CSMD1: variants seen among roughly 807,000 people sequenced by gnomAD.
CSMD1 encodes the protein CUB and sushi domain-containing protein 1.
CSMD1 carries 213 observed loss-of-function variants against 417.5 expected under a neutral mutation model. The observed-to-expected ratio is 0.51, with a 90% confidence interval of 0.46 to 0.57. The LOEUF (loss-of-function observed/expected upper bound fraction) is 0.57. CSMD1 is among the 20% of genes least tolerant of loss of function. The probability of loss-of-function intolerance (pLI) is 0.00; values close to 1 mark genes in which losing one functional copy is unlikely to be tolerated. For synonymous variants in CSMD1, 2,862 were observed against 1,736.8 expected (o/e 1.65, Z -16.11); for missense variants, 6,923 against 4,529.7 (o/e 1.53, Z -15.17).
At chr8:4,041,294 T>C (rs796195248) in intron 3 of CSMD1, among the ~76,000 whole-genome samples, 1 of 82,684 alleles carries the variant, frequency 1.2e-5, no homozygotes, top group Non-Finnish European at 2.7e-5. Flanking sequence ...GGGGATTACA[T>C]GCGTGAGCCA....
At chr8:4,351,174 A>T (rs78924708) in intron 3 of CSMD1, among the ~76,000 whole-genome samples, 2 of 152,038 alleles carry the variant, frequency 1.3e-5, no homozygotes, top group African/African-American at 4.8e-5. Context: ...AAAATTAGGG[A>T]AAGAACAAAT....
intron 10 of CSMD1, among the ~76,000 whole-genome samples, chr8:3,554,691 A>G (rs776471007): frequency 1.1e-4 from 16 of 152,162 alleles, no homozygotes; most frequent in African/African-American, 3.6e-4. Flanking sequence ...TTTTTTTCTC[A>G]GCCTGGCTTT....
Position 3,301,950 on chromosome 8 carries a change from G to A in CSMD1, c.3950+5745C>T, listed in dbSNP as rs76665536. On this transcript the variant is annotated intron_variant, in intron 25 of 69. Transcript: ENST00000635120. Reference sequence around the variant, plus strand: ...TCAGATTCTATGCACTTTTTTTTCAGTGTCTCGTCTAAAGAAATCTCATAT... The same window carrying A: ...TCAGATTCTATGCACTTTTTTTTCAATGTCTCGTCTAAAGAAATCTCATAT... Among the ~76,000 whole-genome samples the A allele has an allele frequency of 3.6e-4, 55 of 152,116 alleles. No homozygotes were observed. The East Asian group carries it at 0.01, about 29-fold the overall frequency.
intron 5 of CSMD1, among the ~76,000 whole-genome samples, chr8:3,866,378 C>G (rs775209831): frequency 3.9e-5 from 6 of 152,160 alleles, no homozygotes; most frequent in African/African-American, 7.2e-5. Flanking sequence ...TCATGTATTT[C>G]ATTTACCATT....
intron 65 of CSMD1, among the ~76,000 whole-genome samples, chr8:2,952,683 A>T (rs1055091176): frequency 6.9e-6 from 1 of 145,008 alleles, no homozygotes. Flanking sequence ...TAAAGTACAT[A>T]AAAAATATCT....
At chr8:4,422,521 G>A (rs1797307210) in intron 2 of CSMD1, among the ~76,000 whole-genome samples, 1 of 152,106 alleles carries the variant, frequency 6.6e-6, no homozygotes, top group Admixed American at 6.6e-5. Context: ...AAAAGACCAT[G>A]TGAGCATGGA....
intron 10 of CSMD1, among the ~76,000 whole-genome samples, chr8:3,527,145 C>G (rs913443768): frequency 4.6e-5 from 7 of 152,028 alleles, no homozygotes; most frequent in Non-Finnish European, 7.3e-5. Context: ...TCGGATGTCT[C>G]TCTCCACGTT....
At chr8:3,975,749 A>G (rs1813391652) in intron 5 of CSMD1, among the ~76,000 whole-genome samples, 2 of 152,172 alleles carry the variant, frequency 1.3e-5, no homozygotes, top group Admixed American at 1.3e-4. Flanking sequence ...AAAACAGAAA[A>G]TGTCATGTCC....
chr8:3,062,871 C>T (rs558946812), intron 49 of CSMD1, among the ~76,000 whole-genome samples: 2 of 152,126 alleles, frequency 1.3e-5, no homozygotes, highest in African/African-American at 4.8e-5. Flanking sequence ...TTTTACCCAT[C>T]TACTTTTAGA....
chr8:4,052,786 G>A (rs1466400415), intron 3 of CSMD1, among the ~76,000 whole-genome samples: 9 of 152,128 alleles, frequency 5.9e-5, no homozygotes, highest in Admixed American at 6.5e-5. Flanking sequence ...GACACATCCT[G>A]GAACCCACTT....
chr8:3,788,026 C>T (rs2129066106), intron 5 of CSMD1, among the ~76,000 whole-genome samples: 1 of 152,234 alleles, frequency 6.6e-6, no homozygotes, highest in Admixed American at 6.5e-5. Flanking sequence ...GTGTCTTTGG[C>T]TAGAGTCTTA....
intron 3 of CSMD1, among the ~76,000 whole-genome samples, chr8:4,231,811 T>C (rs950594024): frequency 6.6e-6 from 1 of 152,172 alleles, no homozygotes; most frequent in Non-Finnish European, 1.5e-5. Context: ...CTAACAAAAC[T>C]GCCAGTATAG....
intron 3 of CSMD1, among the ~76,000 whole-genome samples, chr8:4,348,906 C>A (rs1800929599): frequency 6.6e-6 from 1 of 152,070 alleles, no homozygotes; most frequent in Non-Finnish European, 1.5e-5. Context: ...AGCCTTTCTC[C>A]CTGTGATATC....
chr8:4,000,805 T>A (rs935363113), intron 4 of CSMD1, among the ~76,000 whole-genome samples: 6 of 152,200 alleles, frequency 3.9e-5, no homozygotes, highest in African/African-American at 1.4e-4. Context: ...ACAAAAGTTA[T>A]GGCATCTCAA....
At chr8:3,856,803 C>A (rs1424763827) in intron 5 of CSMD1, among the ~76,000 whole-genome samples, 2 of 152,166 alleles carry the variant, frequency 1.3e-5, no homozygotes, top group Non-Finnish European at 2.9e-5. Context: ...ATACAGGCTA[C>A]TCCCTCAGGC....
chr8:4,137,929 G>A (rs1244708003), intron 3 of CSMD1, among the ~76,000 whole-genome samples: 1 of 151,678 alleles, frequency 6.6e-6, no homozygotes, highest in East Asian at 1.9e-4. Context: ...CCAGGTTGGA[G>A]TGCAGTGGCG....
chr8:4,263,341 G>C (rs1161164245), intron 3 of CSMD1, among the ~76,000 whole-genome samples: 1 of 152,064 alleles, frequency 6.6e-6, no homozygotes, highest in Non-Finnish European at 1.5e-5. Flanking sequence ...TCTTTCCCCT[G>C]GAGTTATGGT....
At chr8:4,672,087 C>T (rs1409105419) in intron 1 of CSMD1, among the ~76,000 whole-genome samples, 18 of 152,166 alleles carry the variant, frequency 1.2e-4, no homozygotes, top group Admixed American at 9.8e-4. Context: ...TTTAAGAATT[C>T]GGCTTTCTAC....
intron 3 of CSMD1, among the ~76,000 whole-genome samples, chr8:4,327,618 AG>A (rs2128888634): frequency 6.6e-6 from 1 of 152,276 alleles, no homozygotes; most frequent in African/African-American, 2.4e-5. Context: ...AAGGGGAAAA[AG>A]CCCCCAAAAA....
Sources: gnomAD v4.1 joint callset for allele counts (sites outside exome capture counted in the v4.1 genomes callset) on GRCh38, gnomAD v4.1.1 for gene constraint, MANE v1.5 for transcripts, NCBI Gene and HGNC (gene_info 2026-07-23, HGNC 2026-07-21) for gene names.